The following PTCD2 variants were observed in gnomAD, a reference collection of about 807,000 sequenced individuals.
PTCD2 encodes the protein pentatricopeptide repeat domain 2.
Under a neutral mutation model 42.6 loss-of-function variants are expected in PTCD2, and 31 were observed. That is an observed-to-expected ratio of 0.73 (90% CI 0.55 to 0.98). PTCD2 has a LOEUF of 0.98. PTCD2 is among the 50% of genes least tolerant of loss of function. The pLI, the probability that PTCD2 is intolerant of heterozygous loss-of-function variation, is 0.00. For synonymous variants in PTCD2, 183 were observed against 170.9 expected (o/e 1.07, Z -0.55); for missense variants, 476 against 454.8 (o/e 1.05, Z -0.42).
At chr5:72,338,393 A>T (rs1751868951) in intron 6 of PTCD2, among the ~76,000 whole-genome samples, 2 of 152,220 alleles carry the variant, frequency 1.3e-5, no homozygotes, top group Admixed American at 1.3e-4. Flanking sequence ...CCAATTCAGA[A>T]AATTGAAAAT....
At chr5:72,327,201 C>G (rs914975485) in intron 3 of PTCD2, among the ~76,000 whole-genome samples, 2 of 152,212 alleles carry the variant, frequency 1.3e-5, no homozygotes, top group African/African-American at 4.8e-5. Flanking sequence ...GCCTTCCTCT[C>G]TCTATCTCCG....
rs932450555 is a variant in PTCD2 at position 72,366,958 on chromosome 5, C to T, written c.*8531C>T. 1 of 152,138 alleles carries T rather than the reference C, an allele frequency of 6.6e-6. No homozygotes were observed. The highest frequency in any genetic ancestry group is 2.4e-5 in the African/African-American group (1 of 41,416). 9.4% of individuals were successfully genotyped at this position (152,138 alleles called of 1,614,324 possible). On this transcript the variant is annotated 3_prime_UTR_variant, in exon 10 of 10. Transcript: ENST00000380639. ...TCCTCCCAAATTGAGAAGGAAAATC[C>T]CCCCAATTAACTGTTTGCCTTTATT...
At chr5:72,337,633 T>TA (rs1751822903) in intron 6 of PTCD2, among the ~76,000 whole-genome samples, 1 of 151,966 alleles carries the variant, frequency 6.6e-6, no homozygotes, top group African/African-American at 2.4e-5. Context: ...CTGTCTCTAC[T>TA]AAAAATACAA....
At chr5:72,320,586 G>A (rs1750768818) in intron 1 of PTCD2, 77 bp downstream of exon 1, 1 of 1,591,102 alleles carries the variant, frequency 6.3e-7, no homozygotes, top group East Asian at 2.2e-5. Context: ...TAGCATCTCT[G>A]TGGAGCAGCC....
In PTCD2 at chr5:72,358,495, G is replaced by A. The variant is rs1752997295; in HGVS notation, c.*68G>A. ...AGTGAGTTATTACCTTTCCTAAGAAGCCAGGTATCGCACTTCAGCAGACAG... is the reference window on the plus strand; with the variant it reads ...AGTGAGTTATTACCTTTCCTAAGAAACCAGGTATCGCACTTCAGCAGACAG... On this transcript the variant is annotated 3_prime_UTR_variant, in exon 10 of 10. Transcript: ENST00000380639. The A allele has an allele frequency of 1.8e-6, 2 of 1,136,780 alleles. No individual in the cohort carries two copies. The highest frequency in any genetic ancestry group is 3.9e-5 in the Admixed American group (2 of 51,190). The allele number at this position is 1,136,780 out of a possible 1,614,324, so 70.4% of individuals were successfully genotyped here.
At chr5:72,335,740 G>C in intron 5 of PTCD2, 54 bp from the exon 6 acceptor site, 1 of 1,156,394 alleles carries the variant, frequency 8.6e-7, no homozygotes, top group African/African-American at 1.5e-5. Flanking sequence ...GAGAGCTTTG[G>C]GGGCCAACAG....
chr5:72,351,058 T>C (rs1401220418), intron 8 of PTCD2, among the ~76,000 whole-genome samples: 2 of 152,244 alleles, frequency 1.3e-5, no homozygotes, highest in Admixed American at 1.3e-4. Flanking sequence ...ATGTCTGTTG[T>C]GTAGTAATTG....
At position 72,363,576 on chromosome 5, in the gene PTCD2, T is replaced by G. The variant is rs1375963109; in HGVS notation, c.*5149T>G. The stretch of plus-strand genomic sequence containing the variant: ...TGTCTCTGGACTCCTGAGTAAATAA[T>G]GTGCTGATGCAGTGTTGGGCCCAGC... On this transcript the variant is annotated 3_prime_UTR_variant, in exon 10 of 10. Coordinates refer to ENST00000380639, the MANE Select transcript of PTCD2 (RefSeq NM_024754.5). The G allele has an allele frequency of 6.6e-6, 1 of 152,266 alleles. No homozygotes were observed. The highest frequency in any genetic ancestry group is 1.5e-5 in the Non-Finnish European group (1 of 68,164). 9.4% of individuals were successfully genotyped at this position (152,266 alleles called of 1,614,324 possible). A position where few individuals can be genotyped will look rare whatever the true frequency, so the allele number is the denominator to read the frequency against.
intron 8 of PTCD2, among the ~76,000 whole-genome samples, chr5:72,345,926 C>T (rs1752336647): frequency 6.6e-6 from 1 of 152,170 alleles, no homozygotes; most frequent in South Asian, 2.1e-4. Flanking sequence ...AAGAGTCATA[C>T]TTAAAGATAA....
intron 1 of PTCD2, chr5:72,320,744 C>G: frequency 1.9e-6 from 1 of 539,688 alleles, no homozygotes; most frequent in African/African-American, 1.9e-5. Context: ...CTGTAGTGCT[C>G]CCTCAGATGG....
Position 72,358,326 on chromosome 5 carries a change from C to G in PTCD2, c.1066C>G (p.His356Asp), listed in dbSNP as rs1752985339. ...TTDSLDAVLCHTPRDRKSHTL... is the reference protein window; with the variant it reads ...TTDSLDAVLCDTPRDRKSHTL... ...TGATTCTTTGGATGCTGTGCTCTGC[C>G]ACACCCCCAGGGACAGGAAATCTCA... The change falls in exon 10 of 10, where the codon CAC becomes GAC. Residue 356 changes from histidine to aspartate, a missense_variant. By Grantham distance (81) the His-to-Asp change is moderately conservative. Coordinates refer to ENST00000380639, the MANE Select transcript of PTCD2 (RefSeq NM_024754.5). 1 of 1,614,014 alleles carries G rather than the reference C, an allele frequency of 6.2e-7. No individual in the cohort carries two copies.
At chr5:72,345,534 G>A (rs988077172) in intron 8 of PTCD2, among the ~76,000 whole-genome samples, 1 of 152,200 alleles carries the variant, frequency 6.6e-6, no homozygotes, top group Non-Finnish European at 1.5e-5. Context: ...AGTGATAAGT[G>A]TCCATGAAAT....
In PTCD2 at chr5:72,361,679, T is replaced by G. The variant is rs574736971; in HGVS notation, c.*3252T>G. Reference sequence around the variant, plus strand: ...GTTTTCTCCCCTGTTTAAAACCTCCTGAGGACCTCACATGCTTCTGGATAA... The same window carrying G: ...GTTTTCTCCCCTGTTTAAAACCTCCGGAGGACCTCACATGCTTCTGGATAA... On this transcript the variant is annotated 3_prime_UTR_variant, in exon 10 of 10. Transcript: ENST00000380639. The G allele has an allele frequency of 9.2e-5, 14 of 152,244 alleles. No individual in the cohort carries two copies. Among genetic ancestry groups the G allele is most frequent in the Non-Finnish European group, 1.8e-4 (12 of 68,072 alleles). The allele number at this position is 152,244 out of a possible 1,614,324, so 9.4% of individuals were successfully genotyped here. A position where few individuals can be genotyped will look rare whatever the true frequency, so the allele number is the denominator to read the frequency against.
chr5:72,352,063 A>G (rs907743922), intron 8 of PTCD2, among the ~76,000 whole-genome samples: 2 of 152,234 alleles, frequency 1.3e-5, no homozygotes, highest in Admixed American at 6.5e-5. Context: ...GGTACTTGCC[A>G]GTGTCTAGAT....
chr5:72,353,934 T>A (rs894946158), intron 9 of PTCD2, among the ~76,000 whole-genome samples: 3 of 151,944 alleles, frequency 2.0e-5, no homozygotes, highest in Non-Finnish European at 2.9e-5. Context: ...ATCCTGGGAG[T>A]GGAAAAACTT....
chr5:72,340,962 C>G (rs1236129206), intron 7 of PTCD2, among the ~76,000 whole-genome samples: 1 of 121,684 alleles, frequency 8.2e-6, no homozygotes, highest in African/African-American at 3.7e-5. Context: ...ATTTTCTTTT[C>G]TTTTCTGTTT....
At chr5:72,345,753 C>CATTAAA (rs1234106511) in intron 8 of PTCD2, among the ~76,000 whole-genome samples, 2 of 152,172 alleles carry the variant, frequency 1.3e-5, no homozygotes, top group East Asian at 3.8e-4. Flanking sequence ...ATAAATTATG[C>CATTAAA]ATATAAAATA....
chr5:72,326,616 G>A lies in PTCD2; in HGVS notation c.225G>A (p.Thr75=), dbSNP rs761894326. 1.6e-5 allele frequency: 26 copies of A among 1,614,098 alleles called. No individual in the cohort carries two copies. The Admixed American group carries it at 2.0e-4, about 12-fold the overall frequency. Reference sequence around the variant, plus strand: ...CCATACTGTGCTTTCTTCCAGAAACGTATTTTAGAAACTTGAAAAAGAAAC... The same window carrying A: ...CCATACTGTGCTTTCTTCCAGAAACATATTTTAGAAACTTGAAAAAGAAAC... ...VACNLSGTKE[T]YFRNLKKKLT... Residue 75 remains threonine (T), a synonymous_variant, in exon 3 of 10, where the codon ACG becomes ACA. Coordinates refer to ENST00000380639, the MANE Select transcript of PTCD2 (RefSeq NM_024754.5).
chr5:72,337,620 AC>A (rs1436096735), intron 6 of PTCD2, among the ~76,000 whole-genome samples: 1 of 152,044 alleles, frequency 6.6e-6, no homozygotes, highest in African/African-American at 2.4e-5. Flanking sequence ...ACATGGTGAA[AC>A]CCTGTCTCTA....
Sources: gnomAD v4.1 joint callset for allele counts (sites outside exome capture counted in the v4.1 genomes callset) on GRCh38, gnomAD v4.1.1 for gene constraint, MANE v1.5 for transcripts, NCBI Gene and HGNC (gene_info 2026-07-23, HGNC 2026-07-21) for gene names.